The following ERC1 variants were observed in gnomAD, a reference collection of about 807,000 sequenced individuals.
ERC1 encodes RAB6 interacting protein 2.
In ERC1, 56 loss-of-function variants were observed where a neutral mutation model predicts 132.0. That is an observed-to-expected ratio of 0.42 (90% CI 0.34 to 0.53). The LOEUF is 0.53. Ranked by LOEUF, ERC1 falls within the 20% of genes least tolerant of loss-of-function variation. ERC1 has a pLI of 0.03. For synonymous variants in ERC1, 478 were observed against 476.1 expected (o/e 1.00, Z -0.05); for missense variants, 1,202 against 1,349.9 (o/e 0.89, Z 1.72).
intron 15 of ERC1, among the ~76,000 whole-genome samples, chr12:1,345,647 C>T (rs2084380461): frequency 6.6e-6 from 1 of 152,100 alleles, no homozygotes; most frequent in Admixed American, 6.6e-5. Context: ...CACTTCTTCT[C>T]ACCAGTTTTT....
At chr12:1,172,013 C>T (rs1213838093) in intron 8 of ERC1, among the ~76,000 whole-genome samples, 1 of 152,170 alleles carries the variant, frequency 6.6e-6, no homozygotes, top group Non-Finnish European at 1.5e-5. Context: ...ATCAGTTTTT[C>T]TTTCTTGTTG....
At chr12:1,439,963 T>G (rs2093056725) in intron 17 of ERC1, among the ~76,000 whole-genome samples, 1 of 152,172 alleles carries the variant, frequency 6.6e-6, no homozygotes. Flanking sequence ...TCCGAGAGGC[T>G]TAAGTAGTTT....
chr12:1,326,720 A>G (rs899861580), intron 15 of ERC1, among the ~76,000 whole-genome samples: 3 of 152,204 alleles, frequency 2.0e-5, no homozygotes, highest in Non-Finnish European at 4.4e-5. Context: ...CCTGTTTATG[A>G]ATAGTTCACA....
intron 12 of ERC1, among the ~76,000 whole-genome samples, chr12:1,220,144 C>G (rs184936302): frequency 3.2e-4 from 48 of 152,286 alleles, no homozygotes; most frequent in Admixed American, 2.4e-3. Context: ...CATTATATGT[C>G]TCTTCCCTGA....
rs1945064175 is a variant in ERC1, at chr12:1,104,756, C to T, written c.1093C>T (p.His365Tyr). The stretch of plus-strand genomic sequence containing the variant: ...TTCTGCCTCTTTTCTACAGGAGATG[C>T]ATCGAAGGTTTGAGAATGCTCCTGA... Reference protein sequence around the residue: ...KENSMLREEMHRRFENAPDSA... With the variant: ...KENSMLREEMYRRFENAPDSA... The change falls in exon 4 of 19, where the codon CAT (histidine) becomes TAT (tyrosine). Residue 365 changes from histidine to tyrosine, a missense_variant. By Grantham distance (83) the His-to-Tyr change is moderately conservative. Coordinates refer to ENST00000360905, the MANE Select transcript of ERC1 (RefSeq NM_178040.4). 6 of 1,610,314 alleles carry T rather than the reference C, an allele frequency of 3.7e-6. No individual in the cohort carries two copies. Among genetic ancestry groups the T allele is most frequent in the Non-Finnish European group, 5.1e-6 (6 of 1,176,676 alleles).
rs539751820 is a variant in ERC1 at position 1,144,461 on chromosome 12, C to G, written c.1737+2674C>G. Among the ~76,000 whole-genome samples the G allele has an allele frequency of 1.4e-4, 22 of 152,116 alleles. No individual in the cohort carries two copies. The South Asian group carries it at 1.5e-3, about 10-fold the overall frequency. On this transcript the variant is annotated intron_variant, in intron 8 of 18. Transcript: ENST00000360905. ...TGTATCTTTCTTATGCCTTTGCATC[C>G]TCATAGCTTAGCTCCCACTTGTAAG...
At chr12:1,302,478 A>G (rs980892803) in intron 15 of ERC1, among the ~76,000 whole-genome samples, 2 of 152,196 alleles carry the variant, frequency 1.3e-5, no homozygotes, top group Non-Finnish European at 2.9e-5. Flanking sequence ...GATCCTAGTA[A>G]TGCAAGAAAA....
chr12:1,120,383 A>G (rs1946943071), intron 7 of ERC1, among the ~76,000 whole-genome samples: 1 of 152,108 alleles, frequency 6.6e-6, no homozygotes, highest in Admixed American at 6.6e-5. Flanking sequence ...TTATTGTTTT[A>G]TTTGCTCTTC....
At chr12:1,000,649 G>A (rs1962061305) in intron 1 of ERC1, among the ~76,000 whole-genome samples, 1 of 152,148 alleles carries the variant, frequency 6.6e-6, no homozygotes, top group Non-Finnish European at 1.5e-5. Flanking sequence ...TGTAGTCCTA[G>A]CTATTTGGGA....
At chr12:1,130,258 G>A (rs1296464529) in intron 7 of ERC1, among the ~76,000 whole-genome samples, 1 of 152,146 alleles carries the variant, frequency 6.6e-6, no homozygotes, top group Non-Finnish European at 1.5e-5. Context: ...CAGCACTTTG[G>A]AAGGCCGAGA....
intron 1 of ERC1, among the ~76,000 whole-genome samples, chr12:1,007,690 C>G (rs973596434): frequency 2.6e-5 from 4 of 151,984 alleles, no homozygotes; most frequent in Admixed American, 1.3e-4. Flanking sequence ...TAGCCACTAG[C>G]CATGTATGGC....
At position 1,214,722 on chromosome 12, in the gene ERC1, A is replaced by G. The variant is rs907186851; in HGVS notation, c.2352-22047A>G. ...CACACATATGTTTGGGGTGAGGAGA[A>G]AAAGGATATGTTAGTAACCTCTTGC... is the stretch of plus-strand genomic sequence containing the variant. On this transcript the variant is annotated intron_variant, in intron 12 of 18. Coordinates refer to ENST00000360905, the MANE Select transcript of ERC1 (RefSeq NM_178040.4). 5.3e-5 allele frequency among the ~76,000 whole-genome samples: 8 copies of G among 151,950 alleles called. 1 individual carries two copies. Among genetic ancestry groups the G allele is most frequent in the Admixed American group, 2.6e-4 (4 of 15,254 alleles).
intron 5 of ERC1, 96 bp downstream of exon 5, chr12:1,110,443 T>A: frequency 1.0e-6 from 1 of 1,000,046 alleles, no homozygotes; most frequent in Non-Finnish European, 1.4e-6. Context: ...TATTTTACAC[T>A]CTTTTATCAG....
In ERC1 at chr12:1,241,847, C is replaced by CTTTTTTTTT. The variant is rs57016547; in HGVS notation, c.2487+4962_2487+4970dup. Reference sequence around the variant, plus strand: ...CCAATTTTTTGCATTTCTTCTTCTTCTTTTTTTTTTTTTTTTTTTTTTTTT... The same window carrying CTTTTTTTTT: ...CCAATTTTTTGCATTTCTTCTTCTTCTTTTTTTTTTTTTTTTTTTTTTTTTTTTTTTTTT... On this transcript the variant is annotated intron_variant, in intron 13 of 18. Transcript: ENST00000360905. 3.7e-3 allele frequency among the ~76,000 whole-genome samples: 296 copies of CTTTTTTTTT among 80,520 alleles called. 4 individuals are homozygous for CTTTTTTTTT. Among genetic ancestry groups the CTTTTTTTTT allele is most frequent in the East Asian group, 8.2e-3 (22 of 2,670 alleles). 52.8% of individuals were successfully genotyped at this position (80,520 alleles called of 152,430 possible). A position where few individuals can be genotyped will look rare whatever the true frequency, so the allele number is the denominator to read the frequency against.
chr12:1,472,817 A>G (rs190313108), intron 18 of ERC1, among the ~76,000 whole-genome samples: 5 of 152,304 alleles, frequency 3.3e-5, no homozygotes, highest in African/African-American at 1.2e-4. Flanking sequence ...CCAGGCATAA[A>G]GTGTTGTTGA....
intron 15 of ERC1, among the ~76,000 whole-genome samples, chr12:1,303,065 A>T (rs928937045): frequency 6.6e-6 from 1 of 152,220 alleles, no homozygotes; most frequent in Non-Finnish European, 1.5e-5. Flanking sequence ...TATTTAAAAA[A>T]AATTCTCCTG....
At position 1,296,401 on chromosome 12, in the gene ERC1, C is replaced by CTTT. The variant is rs57458560; in HGVS notation, c.2780+6416_2780+6418dup. Among the ~76,000 whole-genome samples the CTTT allele has an allele frequency of 2.5e-3, 189 of 76,230 alleles. 30 individuals are homozygous for CTTT. The highest frequency in any genetic ancestry group is 0.011 in the Middle Eastern group (1 of 88). 50.0% of individuals were successfully genotyped at this position (76,230 alleles called of 152,430 possible). On this transcript the variant is annotated intron_variant, in intron 15 of 18. Coordinates refer to ENST00000360905, the MANE Select transcript of ERC1 (RefSeq NM_178040.4). ...AGAAATGAAACATTTATTGGATAGT[C>CTTT]TTTTTTTTTTTTTTTTTTTTTTTTT...
At chr12:1,118,684 A>G (rs971300972) in intron 7 of ERC1, among the ~76,000 whole-genome samples, 25 of 152,208 alleles carry the variant, frequency 1.6e-4, no homozygotes, top group Admixed American at 6.5e-5. Flanking sequence ...ACCTTTTCCA[A>G]TGTAACTTGC....
intron 15 of ERC1, among the ~76,000 whole-genome samples, chr12:1,343,876 C>T (rs927843035): frequency 4.0e-5 from 6 of 151,254 alleles, no homozygotes; most frequent in African/African-American, 9.7e-5. Flanking sequence ...CAGTCTTGCT[C>T]TGTCACCCAG....
Sources: gnomAD v4.1 joint callset for allele counts (sites outside exome capture counted in the v4.1 genomes callset) on GRCh38, gnomAD v4.1.1 for gene constraint, MANE v1.5 for transcripts, NCBI Gene and HGNC (gene_info 2026-07-23, HGNC 2026-07-21) for gene names.